The following RARS1 variants were observed in gnomAD, a reference collection of about 807,000 sequenced individuals.
RARS1 encodes the protein arginine--tRNA ligase, cytoplasmic.
RARS1 carries 75 observed loss-of-function variants against 78.7 expected under a neutral mutation model. The observed-to-expected ratio is 0.95, with a 90% CI of 0.79 to 1.15. The LOEUF is 1.15. Among genes scored for constraint, RARS1 ranks in the 50% most tolerant of loss-of-function variants. RARS1 has a pLI of 0.00. For synonymous variants in RARS1, 273 were observed against 268.2 expected (o/e 1.02, Z -0.18); for missense variants, 787 against 787.5 (o/e 1.00, Z 0.01).
Position 168,509,443 on chromosome 5 carries a change from C to A in RARS1, c.1347-1138C>A, listed in dbSNP as rs1041580972. On this transcript the variant is annotated intron_variant, in intron 11 of 14. Coordinates refer to ENST00000231572, the MANE Select transcript of RARS1 (RefSeq NM_002887.4). Reference sequence around the variant, plus strand: ...ATTTGAGGGATTTTTTAAACACCCCCCCCCCCCCACCAAAAAAAGGAAAAT... The same window carrying A: ...ATTTGAGGGATTTTTTAAACACCCCACCCCCCCCACCAAAAAAAGGAAAAT... Among the ~76,000 whole-genome samples, 8 of 110,106 alleles carry A rather than the reference C, an allele frequency of 7.3e-5. No homozygotes were observed. The South Asian group carries it at 8.3e-4, about 11-fold the overall frequency. 72.2% of individuals were successfully genotyped at this position (110,106 alleles called of 152,430 possible). A position where few individuals can be genotyped will look rare whatever the true frequency, so the allele number is the denominator to read the frequency against.
intron 6 of RARS1, 106 bp from the exon 7 acceptor site, chr5:168,497,122 C>A: frequency 1.1e-6 from 1 of 892,420 alleles, no homozygotes; most frequent in Non-Finnish European, 1.6e-6. Context: ...TGGTGATGTA[C>A]TGGCATGTAA....
At chr5:168,498,416 A>T (rs894403036) in intron 7 of RARS1, among the ~76,000 whole-genome samples, 2 of 152,194 alleles carry the variant, frequency 1.3e-5, no homozygotes, top group African/African-American at 4.8e-5. Flanking sequence ...CCATAATTTT[A>T]AAATGCCTAT....
intron 9 of RARS1, among the ~76,000 whole-genome samples, chr5:168,504,712 C>T (rs1207775776): frequency 1.3e-5 from 2 of 151,700 alleles, no homozygotes; most frequent in African/African-American, 4.9e-5. Flanking sequence ...GTATTCCCAG[C>T]TACTCGGGAG....
At chr5:168,511,344 T>G (rs1218604654) in intron 12 of RARS1, among the ~76,000 whole-genome samples, 1 of 151,986 alleles carries the variant, frequency 6.6e-6, no homozygotes, top group African/African-American at 2.4e-5. Flanking sequence ...TGGGAAGGCC[T>G]CAGGGAACTT....
At chr5:168,496,919 T>C (rs554710256) in intron 6 of RARS1, 22 of 224,482 alleles carry the variant, frequency 9.8e-5, no homozygotes, top group African/African-American at 4.7e-4. Flanking sequence ...TGTCATTGTC[T>C]CAATTAGCTA....
At position 168,519,298 on chromosome 5, in the gene RARS1, C is replaced by T. The variant is rs1758741498; in HGVS notation, c.*108C>T. ...GCATAAGTAAAGAAAATTTGTCAAC[C>T]AGGCAAAATGTGGTTCTTTAACAGC... On this transcript the variant is annotated 3_prime_UTR_variant, in exon 15 of 15. Coordinates refer to ENST00000231572, the MANE Select transcript of RARS1 (RefSeq NM_002887.4). 2 of 782,086 alleles carry T rather than the reference C, an allele frequency of 2.6e-6. No individual in the cohort carries two copies. Among genetic ancestry groups the T allele is most frequent in the Admixed American group, 6.0e-5 (2 of 33,254 alleles). 48.4% of individuals were successfully genotyped at this position (782,086 alleles called of 1,614,324 possible).
Position 168,516,675 on chromosome 5 carries a change from A to C in RARS1, c.1453-103A>C. On this transcript the variant is annotated intron_variant, in intron 12 of 14. Coordinates refer to ENST00000231572, the MANE Select transcript of RARS1 (RefSeq NM_002887.4). ...GTGTTTATTAAAGTTTATTGGTAAA[A>C]GAATACCATTAGATGTTCCCTACCC... is the stretch of plus-strand genomic sequence containing the variant. The C allele has an allele frequency of 9.0e-6, 10 of 1,114,854 alleles. No homozygotes were observed. The South Asian group carries it at 1.6e-4, about 17-fold the overall frequency. The allele number at this position is 1,114,854 out of a possible 1,614,324, so 69.1% of individuals were successfully genotyped here. A position where few individuals can be genotyped will look rare whatever the true frequency, so the allele number is the denominator to read the frequency against.
At chr5:168,504,064 A>G (rs1758382467) in intron 9 of RARS1, among the ~76,000 whole-genome samples, 1 of 19,412 alleles carries the variant, frequency 5.2e-5, no homozygotes, top group African/African-American at 2.2e-4. Context: ...CTGTCTCTGA[A>G]AAAAAAAAAA....
chr5:168,489,359 T>C (rs1365437540), intron 2 of RARS1, among the ~76,000 whole-genome samples: 1 of 152,156 alleles, frequency 6.6e-6, no homozygotes, highest in South Asian at 2.1e-4. Context: ...TGCCCATGCC[T>C]TTTTTAAAAA....
At chr5:168,519,022 T>C in intron 14 of RARS1, 59 bp from the exon 15 acceptor site, 1 of 1,442,934 alleles carries the variant, frequency 6.9e-7, no homozygotes, top group South Asian at 1.2e-5. Flanking sequence ...ATAGATTCTT[T>C]AATAATGATT....
intron 12 of RARS1, among the ~76,000 whole-genome samples, chr5:168,511,066 G>A (rs1380080297): frequency 6.6e-6 from 1 of 152,116 alleles, no homozygotes; most frequent in Non-Finnish European, 1.5e-5. Flanking sequence ...ATAGCAGTCA[G>A]TTCTTGCCAC....
At chr5:168,502,340 C>T (rs147382615) in intron 9 of RARS1, among the ~76,000 whole-genome samples, 7 of 146,600 alleles carry the variant, frequency 4.8e-5, no homozygotes, top group African/African-American at 1.3e-4. Context: ...GCCCTAAAAC[C>T]GCAATATCAT....
chr5:168,498,734 A>G (rs2152904343), intron 7 of RARS1, among the ~76,000 whole-genome samples: 1 of 152,268 alleles, frequency 6.6e-6, no homozygotes, highest in South Asian at 2.1e-4. Context: ...TGAGAGGCCA[A>G]GGTGGGCAAA....
chr5:168,505,088 C>T (rs1011566099), intron 9 of RARS1, among the ~76,000 whole-genome samples: 2 of 152,164 alleles, frequency 1.3e-5, no homozygotes, highest in African/African-American at 4.8e-5. Flanking sequence ...AGCTAATAAG[C>T]GATACGTCTG....
At chr5:168,494,132 A>T (rs541920653) in intron 4 of RARS1, 130 bp downstream of exon 4, 1 of 1,244,738 alleles carries the variant, frequency 8.0e-7, no homozygotes, top group East Asian at 2.6e-5. Flanking sequence ...AGCACTGTGG[A>T]TTGTGATATA....
intron 12 of RARS1, among the ~76,000 whole-genome samples, chr5:168,515,413 A>C: frequency 6.6e-6 from 1 of 152,294 alleles, no homozygotes; most frequent in Middle Eastern, 3.4e-3. Context: ...CAGACTCCCA[A>C]GTAGCTGCGT....
At chr5:168,502,606 C>A in intron 9 of RARS1, among the ~76,000 whole-genome samples, 1 of 133,872 alleles carries the variant, frequency 7.5e-6, no homozygotes, top group African/African-American at 2.8e-5. Flanking sequence ...GAGTCTTACT[C>A]TGTCGCCTAG....
intron 9 of RARS1, among the ~76,000 whole-genome samples, chr5:168,502,991 C>T (rs921368216): frequency 1.3e-5 from 2 of 152,114 alleles, no homozygotes; most frequent in African/African-American, 4.8e-5. Context: ...AATAATTTCC[C>T]ATATGGAACT....
At chr5:168,509,258 T>C (rs1309671191) in intron 11 of RARS1, among the ~76,000 whole-genome samples, 1 of 152,188 alleles carries the variant, frequency 6.6e-6, no homozygotes. Context: ...AAATATATAA[T>C]GTATTTGTGG....
Sources: gnomAD v4.1 joint callset for allele counts (sites outside exome capture counted in the v4.1 genomes callset) on GRCh38, gnomAD v4.1.1 for gene constraint, MANE v1.5 for transcripts, NCBI Gene and HGNC (gene_info 2026-07-23, HGNC 2026-07-21) for gene names.